Variants in KCNIP4 observed in about 807,000 individuals in gnomAD.
KCNIP4 encodes the protein Kv channel-interacting protein 4.
In KCNIP4, 12 loss-of-function variants were observed where a neutral mutation model predicts 34.0. That is an observed-to-expected ratio of 0.35 (90% CI 0.23 to 0.57). The LOEUF (loss-of-function observed/expected upper bound fraction) is 0.57, where lower values mean the gene tolerates loss of function less well. Among genes scored for constraint, KCNIP4 ranks in the 20% least tolerant of loss-of-function variants. The pLI, the probability that KCNIP4 is intolerant of heterozygous loss-of-function variation, is 0.83. For missense variants in KCNIP4, 238 were observed against 311.7 expected, an observed-to-expected ratio of 0.76 and a Z score of 1.78; for synonymous variants, 124 against 102.2, an observed-to-expected ratio of 1.21 and a Z score of -1.29.
At chr4:21,577,911 C>T (rs988980601) in intron 1 of KCNIP4, among the ~76,000 whole-genome samples, 1 of 152,110 alleles carries the variant, frequency 6.6e-6, no homozygotes. Context: ...TCATTTTATG[C>T]CAGCCACTTT....
At chr4:21,761,629 CA>C (rs1427831642) in intron 1 of KCNIP4, among the ~76,000 whole-genome samples, 1 of 84,342 alleles carries the variant, frequency 1.2e-5, no homozygotes, top group Non-Finnish European at 2.5e-5. Flanking sequence ...AAAACAAGTA[CA>C]AAAAAGCAAA....
intron 1 of KCNIP4, among the ~76,000 whole-genome samples, chr4:21,716,468 C>G (rs1425000008): frequency 1.3e-5 from 2 of 152,012 alleles, no homozygotes; most frequent in East Asian, 1.9e-4. Context: ...AAACTCCTGA[C>G]CTCAGGTAAT....
intron 1 of KCNIP4, among the ~76,000 whole-genome samples, chr4:21,334,229 T>A (rs895153232): frequency 6.6e-6 from 1 of 151,988 alleles, no homozygotes; most frequent in Admixed American, 6.6e-5. Flanking sequence ...TTCTCATTAT[T>A]AAAATAGAGT....
At chr4:21,022,197 C>T (rs917656070) in intron 1 of KCNIP4, among the ~76,000 whole-genome samples, 1 of 152,126 alleles carries the variant, frequency 6.6e-6, no homozygotes, top group African/African-American at 2.4e-5. Flanking sequence ...AAATTAATTT[C>T]AATTGCTGTT....
At chr4:21,465,756 T>C (rs1003465743) in intron 1 of KCNIP4, among the ~76,000 whole-genome samples, 1 of 152,138 alleles carries the variant, frequency 6.6e-6, no homozygotes, top group African/African-American at 2.4e-5. Context: ...TGACACATAG[T>C]GGGCACTCTC....
chr4:21,366,326 A>G (rs1385005115), intron 1 of KCNIP4, among the ~76,000 whole-genome samples: 1 of 152,208 alleles, frequency 6.6e-6, no homozygotes, highest in African/African-American at 2.4e-5. Flanking sequence ...CATGCAACGC[A>G]GTGATTATGA....
intron 1 of KCNIP4, among the ~76,000 whole-genome samples, chr4:21,757,384 T>C (rs1318564390): frequency 6.6e-6 from 1 of 152,196 alleles, no homozygotes; most frequent in East Asian, 1.9e-4. Context: ...ACAGAGAACG[T>C]AAGCTCACAT....
chr4:20,853,955 TC>T, intron 2 of KCNIP4, among the ~76,000 whole-genome samples: 1 of 152,190 alleles, frequency 6.6e-6, no homozygotes, highest in East Asian at 1.9e-4. Flanking sequence ...ACTGCCTTAC[TC>T]CTCCAACAAT....
At chr4:21,301,520 A>G (rs1399500813) in intron 1 of KCNIP4, among the ~76,000 whole-genome samples, 2 of 152,186 alleles carry the variant, frequency 1.3e-5, no homozygotes, top group African/African-American at 4.8e-5. Flanking sequence ...AGCAGACAGA[A>G]ATAAGAAAGG....
chr4:21,500,725 G>A (rs1455354117), intron 1 of KCNIP4, among the ~76,000 whole-genome samples: 2 of 152,224 alleles, frequency 1.3e-5, no homozygotes, highest in East Asian at 3.9e-4. Flanking sequence ...AAACACATGT[G>A]ACTCTTCATA....
At chr4:20,734,958 G>A (rs1749231694) in intron 5 of KCNIP4, among the ~76,000 whole-genome samples, 1 of 152,034 alleles carries the variant, frequency 6.6e-6, no homozygotes, top group Admixed American at 6.6e-5. Flanking sequence ...TAAATCAATG[G>A]TCATACTGGA....
intron 1 of KCNIP4, among the ~76,000 whole-genome samples, chr4:21,144,185 T>C (rs1210766351): frequency 1.3e-5 from 2 of 152,204 alleles, no homozygotes; most frequent in African/African-American, 4.8e-5. Flanking sequence ...CAGTATTATA[T>C]TTGTCAGTTC....
At chr4:21,380,195 C>T (rs185080528) in intron 1 of KCNIP4, among the ~76,000 whole-genome samples, 66 of 152,176 alleles carry the variant, frequency 4.3e-4, no homozygotes, top group African/African-American at 1.5e-3. Flanking sequence ...ATATTTTACT[C>T]TTGTCTGGGA....
chr4:20,979,089 C>G (rs910308574), intron 1 of KCNIP4, among the ~76,000 whole-genome samples: 1 of 152,098 alleles, frequency 6.6e-6, no homozygotes, highest in African/African-American at 2.4e-5. Context: ...ATTAATCTAT[C>G]CAAAGTTTTA....
intron 5 of KCNIP4, among the ~76,000 whole-genome samples, chr4:20,738,605 T>G (rs896521838): frequency 6.6e-6 from 1 of 152,184 alleles, no homozygotes; most frequent in Non-Finnish European, 1.5e-5. Context: ...GATTTAAAGA[T>G]AGCACTTTTG....
chr4:21,880,043 T>G (rs1375564452), intron 1 of KCNIP4, among the ~76,000 whole-genome samples: 1 of 152,166 alleles, frequency 6.6e-6, no homozygotes, highest in Admixed American at 6.6e-5. Context: ...GTGAGTCAAT[T>G]AAACCTCTTT....
chr4:21,531,532 T>C (rs1262634925), intron 1 of KCNIP4, among the ~76,000 whole-genome samples: 1 of 151,936 alleles, frequency 6.6e-6, no homozygotes, highest in Non-Finnish European at 1.5e-5. Context: ...CTGGCCACCA[T>C]GCCTGGCTAA....
chr4:21,330,458 G>A (rs2109322354), intron 1 of KCNIP4, among the ~76,000 whole-genome samples: 1 of 152,238 alleles, frequency 6.6e-6, no homozygotes, highest in Admixed American at 6.5e-5. Context: ...CTGATTATAT[G>A]AATTCCATGA....
chr4:21,029,468 A>T (rs1253365491), intron 1 of KCNIP4, among the ~76,000 whole-genome samples: 3 of 152,202 alleles, frequency 2.0e-5, no homozygotes, highest in South Asian at 2.1e-4. Flanking sequence ...ACTGGCTGCA[A>T]ATTCTAAGTT....
Sources: allele counts gnomAD v4.1 joint callset (sites outside exome capture counted in the v4.1 genomes callset), GRCh38; gene constraint gnomAD v4.1.1; transcripts MANE v1.5; gene names NCBI Gene and HGNC (gene_info 2026-07-23, HGNC 2026-07-21).